Variants in RPS6KA5 observed in about 807,000 individuals in gnomAD.
RPS6KA5 encodes the protein ribosomal protein S6 kinase alpha-5.
RPS6KA5 carries 27 observed loss-of-function variants against 85.5 expected under a neutral mutation model. The observed-to-expected ratio is 0.32, with a 90% CI of 0.23 to 0.44. The LOEUF (loss-of-function observed/expected upper bound fraction) is 0.44, where lower values mean the gene tolerates loss of function less well. RPS6KA5 is among the 20% of genes least tolerant of loss of function. The probability of loss-of-function intolerance (pLI) is 1.00; values close to 1 mark genes in which losing one functional copy is unlikely to be tolerated. For synonymous variants in RPS6KA5, 334 were observed against 348.2 expected (o/e 0.96, Z 0.46); for missense variants, 811 against 980.9 (o/e 0.83, Z 2.31).
chr14:90,896,577 C>A (rs1229767798), intron 12 of RPS6KA5, among the ~76,000 whole-genome samples: 2 of 152,030 alleles, frequency 1.3e-5, no homozygotes, highest in Non-Finnish European at 2.9e-5. Flanking sequence ...TGAGATGAGA[C>A]CCTGGAGGCA....
chr14:90,983,006 G>A lies in RPS6KA5; in HGVS notation c.176-4482C>T, dbSNP rs187877044. Reference sequence around the variant, plus strand: ...TGGGCACCTGTGGTCCCAGCTGCTCGGGAGGCTGACGCAGGAGGATGGCAT... The same window carrying A: ...TGGGCACCTGTGGTCCCAGCTGCTCAGGAGGCTGACGCAGGAGGATGGCAT... On this transcript the variant is annotated intron_variant, in intron 2 of 16. Transcript: ENST00000614987. Among the ~76,000 whole-genome samples the A allele has an allele frequency of 2.0e-3, 305 of 151,706 alleles. 2 individuals carry two copies. Among genetic ancestry groups the A allele is most frequent in the African/African-American group, 7.1e-3 (294 of 41,384 alleles).
chr14:91,036,957 G>A (rs1020962329), intron 1 of RPS6KA5, among the ~76,000 whole-genome samples: 1 of 152,166 alleles, frequency 6.6e-6, no homozygotes, highest in African/African-American at 2.4e-5. Context: ...AGACACTGTT[G>A]GGATAACATG....
intron 2 of RPS6KA5, among the ~76,000 whole-genome samples, chr14:90,981,140 C>T (rs902208633): frequency 2.0e-5 from 3 of 152,242 alleles, no homozygotes; most frequent in Non-Finnish European, 2.9e-5. Flanking sequence ...CATCGCACTG[C>T]AGCCTGGGCA....
chr14:91,005,453 T>A (rs1180914355), intron 1 of RPS6KA5, among the ~76,000 whole-genome samples: 2 of 152,340 alleles, frequency 1.3e-5, no homozygotes, highest in East Asian at 3.9e-4. Context: ...TTACATCTAC[T>A]GGCAAAGTAA....
intron 1 of RPS6KA5, among the ~76,000 whole-genome samples, chr14:91,050,332 T>C (rs1161502066): frequency 6.6e-6 from 1 of 151,652 alleles, no homozygotes; most frequent in Non-Finnish European, 1.5e-5. Flanking sequence ...GGTGAACTAT[T>C]ATCACCACTG....
In RPS6KA5 at chr14:90,860,983, C is replaced by T. The variant is rs2032518402; in HGVS notation, c.*11091G>A. 1 of 149,700 alleles carries T rather than the reference C, an allele frequency of 6.7e-6. No homozygotes were observed. The highest frequency in any genetic ancestry group is 2.1e-4 in the South Asian group (1 of 4,718). 9.3% of individuals were successfully genotyped at this position (149,700 alleles called of 1,614,324 possible). On this transcript the variant is annotated 3_prime_UTR_variant, in exon 17 of 17. Transcript: ENST00000614987. ...CTTGGCTCACTGCAACCTCCCTCTT[C>T]CGGGTTCAAGCGTTTCTCCTGCCTC...
intron 3 of RPS6KA5, among the ~76,000 whole-genome samples, chr14:90,961,898 A>C (rs1428894311): frequency 1.3e-5 from 2 of 152,240 alleles, no homozygotes; most frequent in Non-Finnish European, 2.9e-5. Flanking sequence ...ATTTTAACCC[A>C]CCTGGCTGTT....
intron 6 of RPS6KA5, among the ~76,000 whole-genome samples, chr14:90,921,203 T>C (rs1351014367): frequency 6.6e-6 from 1 of 152,120 alleles, no homozygotes; most frequent in African/African-American, 2.4e-5. Context: ...GTGACAAAAT[T>C]TATGAGCCTA....
At chr14:90,878,011 T>C (rs4143885) in intron 14 of RPS6KA5, among the ~76,000 whole-genome samples, 22,759 of 152,090 alleles carry the variant, frequency 0.15, 2,105 homozygotes, top group African/African-American at 0.26. Flanking sequence ...GAATCCTTTC[T>C]TCACGATCTT....
At position 90,853,087 on chromosome 14, in the gene RPS6KA5, T is replaced by C. The variant is rs2140097604; in HGVS notation, c.*18987A>G. The C allele has an allele frequency of 6.6e-6, 1 of 152,226 alleles. No homozygotes were observed. Among genetic ancestry groups the C allele is most frequent in the East Asian group, 1.9e-4 (1 of 5,188 alleles). 9.4% of individuals were successfully genotyped at this position (152,226 alleles called of 1,614,324 possible). ...TCACAATGAAAAAAGCCCCGGATGTTAGCAAAAAGAGTGAATGTGTTTGCC... is the reference window on the plus strand; with the variant it reads ...TCACAATGAAAAAAGCCCCGGATGTCAGCAAAAAGAGTGAATGTGTTTGCC... On this transcript the variant is annotated 3_prime_UTR_variant, in exon 17 of 17. Coordinates refer to ENST00000614987, the MANE Select transcript of RPS6KA5 (RefSeq NM_004755.4).
At chr14:90,880,646 T>TCA (rs1274913043) in intron 14 of RPS6KA5, among the ~76,000 whole-genome samples, 2 of 152,178 alleles carry the variant, frequency 1.3e-5, no homozygotes, top group Non-Finnish European at 2.9e-5. Flanking sequence ...GAGAGTTGGG[T>TCA]ATTGAAGTCT....
chr14:91,051,243 AAAAT>A (rs59888963), intron 1 of RPS6KA5, among the ~76,000 whole-genome samples: 4,037 of 144,344 alleles, frequency 0.028, 172 homozygotes, highest in African/African-American at 0.085. Flanking sequence ...TGTCTAAATA[AAAAT>A]AAATAAATAA....
chr14:90,997,326 AC>A (rs1474705306), intron 2 of RPS6KA5, among the ~76,000 whole-genome samples: 2 of 152,256 alleles, frequency 1.3e-5, no homozygotes, highest in Admixed American at 6.5e-5. Context: ...AATGAAAAAA[AC>A]ATATGTTCAT....
At chr14:90,929,899 C>G (rs1053409566) in intron 5 of RPS6KA5, among the ~76,000 whole-genome samples, 8 of 151,978 alleles carry the variant, frequency 5.3e-5, no homozygotes, top group African/African-American at 1.7e-4. Flanking sequence ...GAGATAAAGT[C>G]TTGCTCTGTT....
chr14:90,976,836 C>T (rs1279018366), intron 3 of RPS6KA5, among the ~76,000 whole-genome samples: 1 of 152,022 alleles, frequency 6.6e-6, no homozygotes, highest in Non-Finnish European at 1.5e-5. Flanking sequence ...TGAAGTGTAA[C>T]ATCATGGCTC....
At chr14:91,016,245 T>TTTTTC (rs1428045676) in intron 1 of RPS6KA5, among the ~76,000 whole-genome samples, 4 of 152,214 alleles carry the variant, frequency 2.6e-5, no homozygotes, top group African/African-American at 4.8e-5. Context: ...ACTAATTTTT[T>TTTTTC]TTTTCTTTTC....
At chr14:90,942,716 G>A (rs1235590794) in intron 5 of RPS6KA5, among the ~76,000 whole-genome samples, 1 of 152,156 alleles carries the variant, frequency 6.6e-6, no homozygotes, top group African/African-American at 2.4e-5. Flanking sequence ...TAAACTGTAT[G>A]TACTTTGCTT....
At chr14:91,031,668 A>G (rs1282693821) in intron 1 of RPS6KA5, among the ~76,000 whole-genome samples, 1 of 152,192 alleles carries the variant, frequency 6.6e-6, no homozygotes, top group Non-Finnish European at 1.5e-5. Flanking sequence ...TAAGTGAATG[A>G]AAAGACTGGG....
chr14:90,908,108 T>C (rs2035609469), intron 7 of RPS6KA5, among the ~76,000 whole-genome samples: 1 of 152,316 alleles, frequency 6.6e-6, no homozygotes, highest in South Asian at 2.1e-4. Context: ...TATCAGCTGC[T>C]GGGGAAAGAA....
Sources: gnomAD v4.1 joint callset for allele counts (sites outside exome capture counted in the v4.1 genomes callset) on GRCh38, gnomAD v4.1.1 for gene constraint, MANE v1.5 for transcripts, NCBI Gene and HGNC (gene_info 2026-07-23, HGNC 2026-07-21) for gene names.